The following FAT3 variants were observed in gnomAD, a reference collection of about 807,000 sequenced individuals.
The protein encoded by FAT3 is protocadherin Fat 3.
FAT3 carries 95 observed loss-of-function variants against 310.2 expected under a neutral mutation model. The ratio of observed to expected loss-of-function variants is 0.31; its 90% CI spans 0.26 to 0.36. The LOEUF is 0.36. Ranked by LOEUF, FAT3 falls within the 10% of genes least tolerant of loss-of-function variation. FAT3 has a pLI of 1.00. For synonymous variants in FAT3, 2,314 were observed against 2,192.9 expected (o/e 1.06, Z -1.54); for missense variants, 5,408 against 5,715.6 (o/e 0.95, Z 1.74).
intron 2 of FAT3, among the ~76,000 whole-genome samples, chr11:92,443,399 A>C (rs1221023980): frequency 6.6e-6 from 1 of 152,192 alleles, no homozygotes; most frequent in Non-Finnish European, 1.5e-5. Context: ...CTAACAACTT[A>C]ACACAGCTCA....
chr11:92,583,703 C>T (rs192644594), intron 3 of FAT3, among the ~76,000 whole-genome samples: 1 of 152,084 alleles, frequency 6.6e-6, no homozygotes, highest in East Asian at 1.9e-4. Context: ...GCAGGACACA[C>T]CCCCATTGTC....
chr11:92,586,794 G>T (rs1280168295), intron 3 of FAT3, among the ~76,000 whole-genome samples: 1 of 151,940 alleles, frequency 6.6e-6, no homozygotes, highest in East Asian at 1.9e-4. Context: ...ATACTTTCAT[G>T]CATTGAAATA....
At chr11:92,705,341 GTGGTGATGATGGTAGTGTGATGGTGT>G (rs1366883340) in intron 4 of FAT3, among the ~76,000 whole-genome samples, 1 of 149,756 alleles carries the variant, frequency 6.7e-6, no homozygotes, top group African/African-American at 2.5e-5. Context: ...TGTGATGGTG[GTGGTGATGATGGTAGTGTGATGGTGT>G]TGGTGATGGT....
At chr11:92,230,701 T>C (rs1864140991) in intron 1 of FAT3, among the ~76,000 whole-genome samples, 1 of 152,226 alleles carries the variant, frequency 6.6e-6, no homozygotes, top group South Asian at 2.1e-4. Flanking sequence ...TAGTAAAATA[T>C]ATCCATTGCT....
intron 24 of FAT3, among the ~76,000 whole-genome samples, chr11:92,885,332 T>C (rs775406684): frequency 3.9e-5 from 6 of 152,176 alleles, no homozygotes; most frequent in Non-Finnish European, 5.9e-5. Flanking sequence ...CTCCCTTCAA[T>C]GGGTGAAATA....
chr11:92,248,874 T>C (rs1409086325), intron 1 of FAT3, among the ~76,000 whole-genome samples: 2 of 152,018 alleles, frequency 1.3e-5, no homozygotes, highest in South Asian at 4.1e-4. Context: ...AAAAAAGATA[T>C]AAGAATCATG....
At chr11:92,728,820 C>A (rs1205326846) in intron 4 of FAT3, among the ~76,000 whole-genome samples, 1 of 152,162 alleles carries the variant, frequency 6.6e-6, no homozygotes, top group Non-Finnish European at 1.5e-5. Context: ...TCTTCCTCTT[C>A]CGAGTGTAAC....
intron 2 of FAT3, among the ~76,000 whole-genome samples, chr11:92,374,030 GGAGAGA>G (rs58680206): frequency 7.7e-5 from 11 of 142,134 alleles, no homozygotes; most frequent in South Asian, 2.3e-4. Context: ...ACAGAGAGAG[GGAGAGA>G]GAGAGAGAGA....
chr11:92,432,381 G>C (rs940313321), intron 2 of FAT3, among the ~76,000 whole-genome samples: 2 of 152,174 alleles, frequency 1.3e-5, no homozygotes, highest in African/African-American at 4.8e-5. Context: ...ATCAGCTTAA[G>C]GAGATTTTGT....
intron 2 of FAT3, among the ~76,000 whole-genome samples, chr11:92,522,430 A>G (rs1953718597): frequency 2.0e-5 from 3 of 152,138 alleles, no homozygotes; most frequent in Admixed American, 1.3e-4. Flanking sequence ...TGAGAGACCA[A>G]AATAGATGGT....
At chr11:92,662,946 G>A (rs1942836798) in intron 3 of FAT3, among the ~76,000 whole-genome samples, 1 of 152,182 alleles carries the variant, frequency 6.6e-6, no homozygotes, top group Non-Finnish European at 1.5e-5. Context: ...CTTTAGTTAG[G>A]ATGTCCTGTG....
intron 6 of FAT3, among the ~76,000 whole-genome samples, chr11:92,770,710 A>G (rs1421033927): frequency 6.6e-6 from 1 of 152,120 alleles, no homozygotes; most frequent in Non-Finnish European, 1.5e-5. Flanking sequence ...AGCTCTCTAA[A>G]GGGGAAGCTG....
intron 14 of FAT3, among the ~76,000 whole-genome samples, chr11:92,833,652 A>C (rs1386347309): frequency 6.6e-6 from 1 of 152,206 alleles, no homozygotes; most frequent in Non-Finnish European, 1.5e-5. Context: ...AAGTATTGGA[A>C]GGTGAAAATA....
chr11:92,683,647 G>A (rs1180472768), intron 3 of FAT3, among the ~76,000 whole-genome samples: 3 of 151,994 alleles, frequency 2.0e-5, no homozygotes, highest in Non-Finnish European at 4.4e-5. Context: ...CTCAGCATCC[G>A]TTGAAAGCCA....
At chr11:92,706,164 C>T (rs1944344520) in intron 4 of FAT3, among the ~76,000 whole-genome samples, 1 of 151,950 alleles carries the variant, frequency 6.6e-6, no homozygotes, top group South Asian at 2.1e-4. Flanking sequence ...CCTAATTTTA[C>T]AGAACTGTCC....
At chr11:92,484,201 A>C (rs1156650089) in intron 2 of FAT3, among the ~76,000 whole-genome samples, 1 of 152,170 alleles carries the variant, frequency 6.6e-6, no homozygotes, top group African/African-American at 2.4e-5. Flanking sequence ...TAAATTATGA[A>C]AATAATTATT....
chr11:92,287,562 A>G (rs1946590142), intron 1 of FAT3, among the ~76,000 whole-genome samples: 1 of 152,130 alleles, frequency 6.6e-6, no homozygotes, highest in African/African-American at 2.4e-5. Flanking sequence ...TGCTACTGTC[A>G]AGAAGTAGAG....
intron 2 of FAT3, among the ~76,000 whole-genome samples, chr11:92,497,895 G>T (rs754268115): frequency 2.6e-5 from 4 of 151,972 alleles, no homozygotes; most frequent in Non-Finnish European, 5.9e-5. Context: ...AGCGAAACAG[G>T]CATAAACACA....
intron 13 of FAT3, among the ~76,000 whole-genome samples, chr11:92,825,300 T>G (rs1290958813): frequency 1.3e-5 from 2 of 152,104 alleles, no homozygotes; most frequent in Non-Finnish European, 2.9e-5. Context: ...AGTATTGGGG[T>G]TCAAAGATAA....
Sources: gnomAD v4.1 joint callset for allele counts (sites outside exome capture counted in the v4.1 genomes callset) on GRCh38, gnomAD v4.1.1 for gene constraint, MANE v1.5 for transcripts, NCBI Gene and HGNC (gene_info 2026-07-23, HGNC 2026-07-21) for gene names.